Variants in HNF1B observed in about 807,000 individuals in gnomAD.
HNF1B encodes the protein HNF1 homeobox B.
A neutral mutation model predicts 61.7 loss-of-function variants in HNF1B; 8 were observed. The ratio of observed to expected loss-of-function variants is 0.13; its 90% CI spans 0.08 to 0.23. The LOEUF is 0.23. Ranked by LOEUF, HNF1B falls within the 10% of genes least tolerant of loss-of-function variation. HNF1B has a pLI of 1.00. For synonymous variants in HNF1B, 314 were observed against 287.7 expected (o/e 1.09, Z -0.93); for missense variants, 562 against 714.5 (o/e 0.79, Z 2.43).
intron 4 of HNF1B, among the ~76,000 whole-genome samples, chr17:37,719,843 G>A (rs976312163): frequency 1.3e-5 from 2 of 152,242 alleles, no homozygotes; most frequent in African/African-American, 2.4e-5. Flanking sequence ...AACAAAGACC[G>A]TACTGGGAGA....
chr17:37,709,057 A>G (rs1163346809), intron 5 of HNF1B, among the ~76,000 whole-genome samples: 1 of 152,062 alleles, frequency 6.6e-6, no homozygotes, highest in Admixed American at 6.5e-5. Context: ...CTTCAGCATG[A>G]AAGTCGGGAA....
At chr17:37,742,728 G>A (rs1041775902) in intron 1 of HNF1B, among the ~76,000 whole-genome samples, 1 of 151,492 alleles carries the variant, frequency 6.6e-6, no homozygotes, top group African/African-American at 2.4e-5. Flanking sequence ...TAAGGACCCT[G>A]GGCCGGGCCT....
chr17:37,708,045 G>A (rs757093400), intron 5 of HNF1B, among the ~76,000 whole-genome samples: 2 of 152,126 alleles, frequency 1.3e-5, no homozygotes, highest in Non-Finnish European at 1.5e-5. Context: ...ACCCTATGAC[G>A]TAGGCATCAT....
At chr17:37,724,008 T>C (rs11263758) in intron 4 of HNF1B, among the ~76,000 whole-genome samples, 112,527 of 152,056 alleles carry the variant, frequency 0.74, 41,940 homozygotes, top group African/African-American at 0.83. Context: ...GTCACTGTGC[T>C]GGCTGGATTT....
intron 8 of HNF1B, among the ~76,000 whole-genome samples, chr17:37,694,523 T>A (rs1363991948): frequency 1.4e-5 from 2 of 146,064 alleles, no homozygotes; most frequent in Non-Finnish European, 3.0e-5. Flanking sequence ...GATTGGGAGT[T>A]TGGAGGAACA....
intron 2 of HNF1B, among the ~76,000 whole-genome samples, chr17:37,735,683 G>C (rs1261845629): frequency 6.6e-6 from 1 of 152,126 alleles, no homozygotes; most frequent in East Asian, 1.9e-4. Context: ...GAAAGCTTAG[G>C]GACACTAACT....
chr17:37,734,419 A>G lies in HNF1B; in HGVS notation c.545-598T>C, dbSNP rs17138459. ...GCTTTAGATCTCAAAATAATTTCAA[A>G]GACTACAAACACAGGACCTGTCTGG... On this transcript the variant is annotated intron_variant, in intron 2 of 8. Transcript: ENST00000617811. Among the ~76,000 whole-genome samples, 1,199 of 152,352 alleles carry G rather than the reference A, an allele frequency of 7.9e-3. 23 individuals are homozygous for G. The highest frequency in any genetic ancestry group is 0.027 in the African/African-American group (1,128 of 41,574).
chr17:37,716,483 G>A (rs1484569911), intron 4 of HNF1B, among the ~76,000 whole-genome samples: 1 of 152,202 alleles, frequency 6.6e-6, no homozygotes. Context: ...GAAGGCATGA[G>A]CCACTGCGCC....
At chr17:37,701,665 C>T (rs774430834) in intron 6 of HNF1B, among the ~76,000 whole-genome samples, 2 of 152,096 alleles carry the variant, frequency 1.3e-5, no homozygotes, top group African/African-American at 4.8e-5. Context: ...TCCATAGTCC[C>T]GGGAGTATGA....
chr17:37,701,339 T>C (rs1466034321), intron 6 of HNF1B, among the ~76,000 whole-genome samples, 162 bp from the exon 7 acceptor site: 8 of 152,228 alleles, frequency 5.3e-5, no homozygotes, highest in Non-Finnish European at 1.2e-4. Context: ...GACTTGGAGA[T>C]ATTAATTTAC....
chr17:37,707,650 A>G lies in HNF1B; in HGVS notation c.1207-2601T>C, dbSNP rs1467524315. Among the ~76,000 whole-genome samples, 3 of 152,298 alleles carry G rather than the reference A, an allele frequency of 2.0e-5. No homozygotes were observed. The East Asian group carries it at 5.8e-4, about 29-fold the overall frequency. ...TTAGAGAAGTTAAGAAGTGTGCCCA[A>G]GTGGTAGAATTGGGGTTGAAAGCAG... is the stretch of plus-strand genomic sequence containing the variant. On this transcript the variant is annotated intron_variant, in intron 5 of 8. Transcript: ENST00000617811.
In HNF1B at chr17:37,712,105, A is replaced by C. The variant is rs146848911; in HGVS notation, c.1046-1442T>G. ...GAGGGCTGGGGAAAAGAACAAAACA[A>C]ATGCTAAAGCTGGGTTCTAACCTTC... On this transcript the variant is annotated intron_variant, in intron 4 of 8. Coordinates refer to ENST00000617811, the MANE Select transcript of HNF1B (RefSeq NM_000458.4). Among the ~76,000 whole-genome samples, 21 of 152,366 alleles carry C rather than the reference A, an allele frequency of 1.4e-4. No individual in the cohort carries two copies. The East Asian group carries it at 3.3e-3, about 24-fold the overall frequency.
rs2033686344 is a variant in HNF1B, at chr17:37,731,629, G to A, written c.1011C>T (p.His337=). Reference sequence around the variant, plus strand: ...TGTTTGGAGGAGAGGAGCTGGGCTGGTGGTGGGGGGAGCCGTGGGAGAGCA... The same window carrying A: ...TGTTTGGAGGAGAGGAGCTGGGCTGATGGTGGGGGGAGCCGTGGGAGAGCA... ...NPLLSHGSPH[H]QPSSSPPNKL... Residue 337 remains histidine (H), a synonymous_variant, in exon 4 of 9, where the codon CAC becomes CAT. Coordinates refer to ENST00000617811, the MANE Select transcript of HNF1B (RefSeq NM_000458.4). 1 of 1,613,914 alleles carries A rather than the reference G, an allele frequency of 6.2e-7. No individual in the cohort carries two copies. Among genetic ancestry groups the A allele is most frequent in the Non-Finnish European group, 8.5e-7 (1 of 1,179,872 alleles).
At chr17:37,699,924 T>C (rs375924395) in intron 7 of HNF1B, among the ~76,000 whole-genome samples, 27 of 152,332 alleles carry the variant, frequency 1.8e-4, no homozygotes, top group African/African-American at 6.5e-4. Context: ...ACAAACCTCT[T>C]TCACCATCAT....
chr17:37,724,930 GTGTGTGTATA>G (rs1395436051), intron 4 of HNF1B, among the ~76,000 whole-genome samples: 1 of 122,652 alleles, frequency 8.2e-6, no homozygotes, highest in African/African-American at 4.1e-5. Context: ...GTGTGTGTGT[GTGTGTGTATA>G]TATATATAAT....
chr17:37,704,107 T>G (rs891768272), intron 6 of HNF1B, among the ~76,000 whole-genome samples: 1 of 152,232 alleles, frequency 6.6e-6, no homozygotes, highest in African/African-American at 2.4e-5. Flanking sequence ...ACACCTGAGC[T>G]GTCATAGTGA....
intron 4 of HNF1B, among the ~76,000 whole-genome samples, chr17:37,719,990 C>T (rs567018139): frequency 6.6e-6 from 1 of 152,154 alleles, no homozygotes; most frequent in Non-Finnish European, 1.5e-5. Flanking sequence ...TCACCATCAT[C>T]ATCACCATCA....
chr17:37,731,166 G>A, intron 4 of HNF1B: 1 of 277,694 alleles, frequency 3.6e-6, no homozygotes, highest in Non-Finnish European at 7.1e-6. Context: ...CGAGCGAGGG[G>A]CAGGATATGG....
At chr17:37,729,072 T>G (rs754868884) in intron 4 of HNF1B, 1 of 152,234 alleles carries the variant, frequency 6.6e-6, no homozygotes, top group Non-Finnish European at 1.5e-5. Flanking sequence ...ATACATTCAC[T>G]CCTTTCATCC....
Sources: allele counts gnomAD v4.1 joint callset (sites outside exome capture counted in the v4.1 genomes callset), GRCh38; gene constraint gnomAD v4.1.1; transcripts MANE v1.5; gene names NCBI Gene and HGNC (gene_info 2026-07-23, HGNC 2026-07-21).